Variants in CTNND2 observed in about 807,000 individuals in gnomAD.
The protein encoded by CTNND2 is catenin delta 2, also known as catenin delta-2.
CTNND2 carries 22 observed loss-of-function variants against 144.4 expected under a neutral mutation model. The ratio of observed to expected loss-of-function variants is 0.15; its 90% CI spans 0.11 to 0.22. The LOEUF is 0.22. Ranked by LOEUF, CTNND2 falls within the 10% of genes least tolerant of loss-of-function variation. CTNND2 has a pLI of 1.00. For synonymous variants in CTNND2, 751 were observed against 695.6 expected, an observed-to-expected ratio of 1.08 and a Z score of -1.25; for missense variants, 1,353 against 1,618.8, an observed-to-expected ratio of 0.84 and a Z score of 2.82.
At chr5:11,178,698 T>TG in intron 11 of CTNND2, among the ~76,000 whole-genome samples, 1 of 152,192 alleles carries the variant, frequency 6.6e-6, no homozygotes, top group Non-Finnish European at 1.5e-5. Flanking sequence ...AAAGTATATA[T>TG]ATAATTGGAA....
In CTNND2 at chr5:11,545,649, CAAGACTGTGTCTCAAAAAAAAAAAA is replaced by C. The variant is rs1372917509; in HGVS notation, c.287+19270_287+19294del. Among the ~76,000 whole-genome samples the C allele has an allele frequency of 3.1e-5, 3 of 96,604 alleles. No homozygotes were observed. In the East Asian group the frequency reaches 9.7e-4, roughly 31 times the overall value. 63.4% of individuals were successfully genotyped at this position (96,604 alleles called of 152,430 possible). A position where few individuals can be genotyped will look rare whatever the true frequency, so the allele number is the denominator to read the frequency against. On this transcript the variant is annotated intron_variant, in intron 3 of 21. Transcript: ENST00000304623. ...TTGCACTCCAGCCTTGGTGACAGAG[CAAGACTGTGTCTCAAAAAAAAAAAA>C]AAAAAAAAAAGGAAGAACATAAAGA... is the stretch of plus-strand genomic sequence containing the variant.
intron 13 of CTNND2, among the ~76,000 whole-genome samples, 188 bp downstream of exon 13, chr5:11,117,262 A>G (rs891719251): frequency 6.6e-6 from 1 of 152,228 alleles, no homozygotes; most frequent in African/African-American, 2.4e-5. Context: ...AAGTTAGGTT[A>G]TATATCTAGA....
intron 3 of CTNND2, among the ~76,000 whole-genome samples, chr5:11,544,928 C>A (rs1775083914): frequency 6.6e-6 from 1 of 151,782 alleles, no homozygotes; most frequent in African/African-American, 2.4e-5. Context: ...ACTAGCCTGA[C>A]AAACACCATG....
chr5:11,652,035 C>T (rs1581669949), intron 2 of CTNND2, among the ~76,000 whole-genome samples: 1 of 152,236 alleles, frequency 6.6e-6, no homozygotes, highest in South Asian at 2.1e-4. Flanking sequence ...GTGAGAAGGA[C>T]ATGAGATTTG....
At chr5:11,600,965 G>T (rs1779761708) in intron 2 of CTNND2, among the ~76,000 whole-genome samples, 1 of 151,996 alleles carries the variant, frequency 6.6e-6, no homozygotes, top group Admixed American at 6.6e-5. Flanking sequence ...TAAATGAAAT[G>T]AATCCAAAGA....
At chr5:11,192,793 C>G (rs780553283) in intron 11 of CTNND2, among the ~76,000 whole-genome samples, 9 of 152,108 alleles carry the variant, frequency 5.9e-5, no homozygotes, top group Non-Finnish European at 8.8e-5. Context: ...CCTCCAGAAC[C>G]GTAAGAAAAT....
chr5:11,799,420 G>A (rs1221655991), intron 1 of CTNND2, among the ~76,000 whole-genome samples: 1 of 152,076 alleles, frequency 6.6e-6, no homozygotes, highest in African/African-American at 2.4e-5. Context: ...AGAATTTCAT[G>A]GCTTACAGTT....
At chr5:11,685,239 G>A (rs1248410270) in intron 2 of CTNND2, among the ~76,000 whole-genome samples, 11 of 152,176 alleles carry the variant, frequency 7.2e-5, no homozygotes, top group Non-Finnish European at 2.9e-5. Context: ...ATGTGTGAAG[G>A]TGCTGGGCAT....
chr5:11,376,404 A>G (rs763414915), intron 7 of CTNND2, among the ~76,000 whole-genome samples: 4 of 151,278 alleles, frequency 2.6e-5, no homozygotes, highest in African/African-American at 7.3e-5. Context: ...TCAATTTTCT[A>G]TTTTGGTCTC....
At chr5:11,744,893 G>A (rs1375093874) in intron 1 of CTNND2, among the ~76,000 whole-genome samples, 2 of 151,864 alleles carry the variant, frequency 1.3e-5, no homozygotes, top group African/African-American at 2.4e-5. Flanking sequence ...GTGCCACCGC[G>A]TCCAGCTAAT....
At chr5:11,468,207 T>C (rs775933324) in intron 3 of CTNND2, among the ~76,000 whole-genome samples, 8 of 152,172 alleles carry the variant, frequency 5.3e-5, no homozygotes, top group Admixed American at 3.3e-4. Context: ...CCCTAGCCCA[T>C]AGAATAGGGA....
At position 11,200,793 on chromosome 5, in the gene CTNND2, C is replaced by T. The variant is rs1041416284; in HGVS notation, c.1762-1132G>A. ...TCCCGGGTTCACGCCATTCTCCTGC[C>T]TCAGCCTCCCGAGTAACTGGGACTA... On this transcript the variant is annotated intron_variant, in intron 10 of 21. Coordinates refer to ENST00000304623, the MANE Select transcript of CTNND2 (RefSeq NM_001332.4). Among the ~76,000 whole-genome samples the T allele has an allele frequency of 1.7e-3, 256 of 152,348 alleles. 1 individual carries two copies. The highest frequency in any genetic ancestry group is 5.9e-3 in the African/African-American group (246 of 41,588).
intron 2 of CTNND2, among the ~76,000 whole-genome samples, chr5:11,712,371 G>A (rs1786081591): frequency 6.6e-6 from 1 of 151,864 alleles, no homozygotes; most frequent in Admixed American, 6.6e-5. Flanking sequence ...GTACCTCTCA[G>A]CAACTTTCTT....
intron 1 of CTNND2, among the ~76,000 whole-genome samples, chr5:11,821,120 A>C (rs114006242): frequency 1.1e-3 from 170 of 152,308 alleles, no homozygotes; most frequent in African/African-American, 4.0e-3. Flanking sequence ...TCTGTACCTT[A>C]AACTCTGACT....
intron 2 of CTNND2, among the ~76,000 whole-genome samples, chr5:11,726,876 A>G (rs1787052107): frequency 6.6e-6 from 1 of 152,220 alleles, no homozygotes; most frequent in Non-Finnish European, 1.5e-5. Context: ...ACAGATAGGT[A>G]TATAAGTGTC....
chr5:11,158,763 G>A (rs1758468483), intron 12 of CTNND2, among the ~76,000 whole-genome samples: 1 of 152,132 alleles, frequency 6.6e-6, no homozygotes. Flanking sequence ...AATCCTGTAT[G>A]TTTCACTTTC....
At chr5:11,267,774 C>G (rs918703912) in intron 9 of CTNND2, among the ~76,000 whole-genome samples, 1 of 152,064 alleles carries the variant, frequency 6.6e-6, no homozygotes, top group Admixed American at 6.5e-5. Flanking sequence ...AAATAAAGTT[C>G]GCAAAAAAGA....
At chr5:11,664,453 T>C (rs1783446341) in intron 2 of CTNND2, among the ~76,000 whole-genome samples, 1 of 152,112 alleles carries the variant, frequency 6.6e-6, no homozygotes, top group Non-Finnish European at 1.5e-5. Flanking sequence ...TAGTTGGGTG[T>C]GGTGGCTGGT....
chr5:11,470,492 G>C (rs1323159316), intron 3 of CTNND2, among the ~76,000 whole-genome samples: 2 of 152,064 alleles, frequency 1.3e-5, no homozygotes, highest in Non-Finnish European at 2.9e-5. Flanking sequence ...ATACCTAGTT[G>C]ATCCCCTATT....
Sources: gnomAD v4.1 joint callset for allele counts (sites outside exome capture counted in the v4.1 genomes callset) on GRCh38, gnomAD v4.1.1 for gene constraint, MANE v1.5 for transcripts, NCBI Gene and HGNC (gene_info 2026-07-23, HGNC 2026-07-21) for gene names.